The following ABTB2 variants were observed in gnomAD, a reference collection of about 807,000 sequenced individuals.
ABTB2 encodes the protein ankyrin repeat and BTB/POZ domain-containing protein 2.
A neutral mutation model predicts 104.1 loss-of-function variants in ABTB2; 56 were observed. The ratio of observed to expected loss-of-function variants is 0.54; its 90% CI spans 0.43 to 0.67. The LOEUF (loss-of-function observed/expected upper bound fraction) is 0.67. Among genes scored for constraint, ABTB2 ranks in the 30% least tolerant of loss-of-function variants. The pLI is 0.00. For missense variants in ABTB2, 1,279 were observed against 1,407.7 expected (o/e 0.91, Z 1.46); for synonymous variants, 606 against 608.2 (o/e 1.00, Z 0.05).
intron 3 of ABTB2, among the ~76,000 whole-genome samples, chr11:34,176,514 CG>C (rs1253025354): frequency 3.9e-5 from 6 of 152,150 alleles, no homozygotes; most frequent in Non-Finnish European, 7.3e-5. Context: ...TGCTGGCACA[CG>C]CCTGTAGTCC....
At chr11:34,176,550 G>A (rs1315828922) in intron 3 of ABTB2, among the ~76,000 whole-genome samples, 1 of 152,214 alleles carries the variant, frequency 6.6e-6, no homozygotes, top group African/African-American at 2.4e-5. Context: ...GCTGAGGCAG[G>A]AAGACAGGTT....
chr11:34,165,862 A>G (rs1170183882), intron 7 of ABTB2, among the ~76,000 whole-genome samples: 2 of 152,190 alleles, frequency 1.3e-5, no homozygotes, highest in South Asian at 4.1e-4. Flanking sequence ...TGCTTCCCTT[A>G]GGCTTCTTGT....
At chr11:34,263,518 T>C (rs772560408) in intron 1 of ABTB2, among the ~76,000 whole-genome samples, 1 of 152,138 alleles carries the variant, frequency 6.6e-6, no homozygotes, top group Non-Finnish European at 1.5e-5. Context: ...TTTCCTTTTA[T>C]TGTCACTTGT....
chr11:34,308,390 A>G (rs541233779), intron 1 of ABTB2, among the ~76,000 whole-genome samples: 6 of 152,332 alleles, frequency 3.9e-5, no homozygotes, highest in Admixed American at 3.9e-4. Flanking sequence ...AAGGGCTTAA[A>G]CATTTACAAC....
intron 1 of ABTB2, among the ~76,000 whole-genome samples, chr11:34,303,339 G>A (rs963915192): frequency 1.4e-4 from 21 of 152,156 alleles, no homozygotes; most frequent in African/African-American, 4.3e-4. Context: ...ACTGTCTTCC[G>A]TTTTTATTAA....
intron 2 of ABTB2, among the ~76,000 whole-genome samples, chr11:34,200,718 G>C (rs1163830679): frequency 2.0e-5 from 3 of 152,156 alleles, no homozygotes; most frequent in African/African-American, 7.2e-5. Flanking sequence ...CTACTCTACA[G>C]ACAAGGAAGC....
At chr11:34,291,099 T>C (rs1018744462) in intron 1 of ABTB2, among the ~76,000 whole-genome samples, 1 of 152,238 alleles carries the variant, frequency 6.6e-6, no homozygotes, top group Admixed American at 6.5e-5. Flanking sequence ...GGAATGGGGT[T>C]TGTCATTATG....
At chr11:34,198,053 A>G (rs1459189084) in intron 2 of ABTB2, among the ~76,000 whole-genome samples, 3 of 152,248 alleles carry the variant, frequency 2.0e-5, no homozygotes, top group Admixed American at 2.0e-4. Flanking sequence ...TGTACAAAGT[A>G]TGCAATTCCC....
intron 1 of ABTB2, among the ~76,000 whole-genome samples, chr11:34,311,459 T>C (rs561564550): frequency 3.3e-5 from 5 of 152,296 alleles, no homozygotes; most frequent in African/African-American, 1.2e-4. Context: ...AAACATCTCA[T>C]CTTGCAGTGC....
At chr11:34,155,529 TCTGG>T (rs1852612313) in intron 14 of ABTB2, among the ~76,000 whole-genome samples, 1 of 152,192 alleles carries the variant, frequency 6.6e-6, no homozygotes, top group African/African-American at 2.4e-5. Flanking sequence ...AACAATTCTT[TCTGG>T]CTGGCTGAAG....
intron 3 of ABTB2, among the ~76,000 whole-genome samples, chr11:34,190,017 AT>A (rs1230287027): frequency 2.6e-5 from 4 of 152,214 alleles, no homozygotes; most frequent in Non-Finnish European, 5.9e-5. Context: ...AGGAAGGTGG[AT>A]CACTTGAGGA....
intron 2 of ABTB2, among the ~76,000 whole-genome samples, chr11:34,199,841 T>C (rs2982597): frequency 0.96 from 145,746 of 152,306 alleles, 70,070 homozygotes; most frequent in East Asian, 1. Flanking sequence ...AGAGTAAGTA[T>C]TTGGTAGGGC....
intron 3 of ABTB2, among the ~76,000 whole-genome samples, chr11:34,179,928 T>C (rs1387718938): frequency 6.6e-6 from 1 of 152,174 alleles, no homozygotes; most frequent in African/African-American, 2.4e-5. Context: ...TTATAAATAA[T>C]AGGACCACCT....
At chr11:34,247,771 C>T (rs1367541399) in intron 1 of ABTB2, among the ~76,000 whole-genome samples, 1 of 152,192 alleles carries the variant, frequency 6.6e-6, no homozygotes, top group East Asian at 1.9e-4. Flanking sequence ...AGATACTCTG[C>T]TAAGCACTTC....
intron 1 of ABTB2, among the ~76,000 whole-genome samples, chr11:34,208,005 T>G (rs1402994642): frequency 6.6e-6 from 1 of 152,254 alleles, no homozygotes; most frequent in Non-Finnish European, 1.5e-5. Context: ...TGACTCCCTC[T>G]GATCTTTGCA....
At chr11:34,211,124 T>C (rs556438749) in intron 1 of ABTB2, among the ~76,000 whole-genome samples, 1 of 152,236 alleles carries the variant, frequency 6.6e-6, no homozygotes, top group East Asian at 1.9e-4. Flanking sequence ...TTTTGTTTGT[T>C]TTGAGACGAG....
rs1182484932 is a variant in ABTB2, at chr11:34,154,585, ACTG to A, written c.2766+113_2766+115del. The A allele has an allele frequency of 1.1e-4, 123 of 1,090,118 alleles. No individual in the cohort carries two copies. The highest frequency in any genetic ancestry group is 1.5e-4 in the Non-Finnish European group (110 of 732,904). The allele number at this position is 1,090,118 out of a possible 1,614,324, so 67.5% of individuals were successfully genotyped here. The stretch of plus-strand genomic sequence containing the variant: ...GTGTGCACAGTTCCTCTTTCTGGGA[ACTG>A]CTCTTCCTGTCAGATGGAGAGGAAG... On this transcript the variant is annotated intron_variant, in intron 15 of 16. Coordinates refer to ENST00000435224, the MANE Select transcript of ABTB2 (RefSeq NM_145804.3). This position sits in a 1 kb window ranked among gnomAD's most constrained non-coding sequence, Gnocchi z 4.9.
At chr11:34,337,787 A>G (rs764295300) in intron 1 of ABTB2, among the ~76,000 whole-genome samples, 23 of 152,034 alleles carry the variant, frequency 1.5e-4, no homozygotes, top group Non-Finnish European at 3.1e-4. Flanking sequence ...TTTTATCACC[A>G]CCGACTCATC....
intron 1 of ABTB2, among the ~76,000 whole-genome samples, chr11:34,315,884 C>T (rs1347917263): frequency 2.0e-5 from 3 of 152,206 alleles, no homozygotes; most frequent in Non-Finnish European, 4.4e-5. Flanking sequence ...GCATCTACCC[C>T]TCACAGTGGA....
Sources: allele counts gnomAD v4.1 joint callset (sites outside exome capture counted in the v4.1 genomes callset), GRCh38; gene constraint gnomAD v4.1.1; non-coding constraint Gnocchi (gnomAD v3.1); transcripts MANE v1.5; gene names NCBI Gene and HGNC (gene_info 2026-07-23, HGNC 2026-07-21).